CLMN: variants seen among roughly 807,000 people sequenced by gnomAD.
CLMN encodes calmin (calponin-like, transmembrane).
Under a neutral mutation model 92.7 loss-of-function variants are expected in CLMN, and 57 were observed. The observed-to-expected ratio is 0.61, with a 90% CI of 0.50 to 0.77. The LOEUF (loss-of-function observed/expected upper bound fraction) is 0.77. Among genes scored for constraint, CLMN ranks in the 30% least tolerant of loss-of-function variants. The pLI is 0.00. For synonymous variants in CLMN, 466 were observed against 470.6 expected (o/e 0.99, Z 0.13); for missense variants, 1,158 against 1,237.5 (o/e 0.94, Z 0.96).
chr14:95,258,879 G>A (rs1899132884), intron 1 of CLMN, among the ~76,000 whole-genome samples: 1 of 150,514 alleles, frequency 6.6e-6, no homozygotes, highest in African/African-American at 2.4e-5. Context: ...GTATGTATCT[G>A]TGGTGTGTGT....
rs1206720446 is a variant in CLMN, at chr14:95,184,117, T to C, written c.*7447A>G. 1 of 152,196 alleles carries C rather than the reference T, an allele frequency of 6.6e-6. No homozygotes were observed. Among genetic ancestry groups the C allele is most frequent in the African/African-American group, 2.4e-5 (1 of 41,460 alleles). 9.4% of individuals were successfully genotyped at this position (152,196 alleles called of 1,614,324 possible). On this transcript the variant is annotated 3_prime_UTR_variant, in exon 13 of 13. Coordinates refer to ENST00000298912, the MANE Select transcript of CLMN (RefSeq NM_024734.4). ...AGGGGGCTGCTGGGCATCCTACAAC[T>C]TCATAAACTTTCAAGAAAAGTATTT...
In CLMN at chr14:95,194,346, C is replaced by G; in HGVS notation, c.2769+190G>C. ...TTTAAAATCCTCACTTTATTTACAT[C>G]TCTTATTGCCCAAACCGGATATCCG... On this transcript the variant is annotated intron_variant, in intron 11 of 12. Transcript: ENST00000298912. The surrounding 1 kb of genome is among the most constrained non-coding windows in gnomAD (Gnocchi z 4.0). 2.1e-6 allele frequency: 3 copies of G among 1,433,478 alleles called. No individual in the cohort carries two copies. The highest frequency in any genetic ancestry group is 2.7e-6 in the Non-Finnish European group (3 of 1,095,772). The allele number at this position is 1,433,478 out of a possible 1,614,324, so 88.8% of individuals were successfully genotyped here.
At chr14:95,277,609 GTCTTT>G (rs560779636) in intron 1 of CLMN, among the ~76,000 whole-genome samples, 1 of 152,186 alleles carries the variant, frequency 6.6e-6, no homozygotes, top group African/African-American at 2.4e-5. Flanking sequence ...CTAAGCCTTT[GTCTTT>G]TCTTTTCTTT....
At chr14:95,262,514 T>C (rs1899297680) in intron 1 of CLMN, among the ~76,000 whole-genome samples, 1 of 152,200 alleles carries the variant, frequency 6.6e-6, no homozygotes, top group Non-Finnish European at 1.5e-5. Flanking sequence ...AGAGACAGTA[T>C]CGTATCCAAT....
intron 1 of CLMN, among the ~76,000 whole-genome samples, chr14:95,241,308 G>A (rs1335720670): frequency 6.6e-6 from 1 of 152,138 alleles, no homozygotes; most frequent in Admixed American, 6.5e-5. Flanking sequence ...GGCTCAAACT[G>A]GGAAAGTCCT....
chr14:95,267,455 G>A (rs907869760), intron 1 of CLMN, among the ~76,000 whole-genome samples: 4 of 152,188 alleles, frequency 2.6e-5, no homozygotes, highest in African/African-American at 9.7e-5. Context: ...CTAATCATCA[G>A]GGAAACGCAA....
chr14:95,319,249 G>A (rs972285921), intron 1 of CLMN, among the ~76,000 whole-genome samples: 2 of 151,740 alleles, frequency 1.3e-5, no homozygotes, highest in African/African-American at 2.4e-5. Flanking sequence ...CCCCTGAAGC[G>A]CCGCCCACCA....
At chr14:95,214,477 G>C (rs994635963) in intron 5 of CLMN, among the ~76,000 whole-genome samples, 1 of 150,054 alleles carries the variant, frequency 6.7e-6, no homozygotes, top group Admixed American at 6.7e-5. Flanking sequence ...AGCCTTCCAA[G>C]TTGCTGGGAT....
At chr14:95,210,244 G>A (rs1210952194) in intron 7 of CLMN, among the ~76,000 whole-genome samples, 6 of 152,108 alleles carry the variant, frequency 3.9e-5, no homozygotes, top group Admixed American at 3.3e-4. Context: ...TGGAGATGGG[G>A]TTTCACCATG....
chr14:95,197,748 A>G (rs1222714559), intron 9 of CLMN, among the ~76,000 whole-genome samples: 1 of 152,170 alleles, frequency 6.6e-6, no homozygotes, highest in Non-Finnish European at 1.5e-5. Flanking sequence ...TCATTGTTGG[A>G]GCCACGTCTC....
At chr14:95,273,887 T>C (rs572333261) in intron 1 of CLMN, among the ~76,000 whole-genome samples, 2 of 152,252 alleles carry the variant, frequency 1.3e-5, no homozygotes, top group Admixed American at 6.5e-5. Flanking sequence ...ATGAACCTCA[T>C]GAACCTCATT....
intron 1 of CLMN, among the ~76,000 whole-genome samples, chr14:95,245,215 TATATATATA>T (rs1898459061): frequency 5.6e-5 from 2 of 35,416 alleles, no homozygotes; most frequent in Admixed American, 5.0e-4. Flanking sequence ...ATATTATATA[TATATATATA>T]TTATATATAT....
At chr14:95,253,257 C>A (rs976961444) in intron 1 of CLMN, among the ~76,000 whole-genome samples, 4 of 152,198 alleles carry the variant, frequency 2.6e-5, no homozygotes, top group African/African-American at 9.7e-5. Flanking sequence ...CTCATGGATG[C>A]CTCGGTTTAT....
At chr14:95,205,269 T>G (rs1566865685) in intron 8 of CLMN, among the ~76,000 whole-genome samples, 2 of 152,234 alleles carry the variant, frequency 1.3e-5, no homozygotes. Context: ...TATTGTTCTT[T>G]TATATACCAA....
At chr14:95,271,958 T>C (rs1899727190) in intron 1 of CLMN, among the ~76,000 whole-genome samples, 1 of 152,258 alleles carries the variant, frequency 6.6e-6, no homozygotes, top group Admixed American at 6.5e-5. Flanking sequence ...TTGAGACTCA[T>C]CTGTGTTACT....
At chr14:95,292,113 G>A (rs752824143) in intron 1 of CLMN, among the ~76,000 whole-genome samples, 28 of 152,148 alleles carry the variant, frequency 1.8e-4, no homozygotes, top group Admixed American at 1.0e-3. Context: ...CTGAGGCATG[G>A]AGAGAATTCA....
intron 1 of CLMN, among the ~76,000 whole-genome samples, chr14:95,297,085 T>C (rs1286806482): frequency 6.6e-6 from 1 of 152,194 alleles, no homozygotes; most frequent in Non-Finnish European, 1.5e-5. Flanking sequence ...CTCCTATCTG[T>C]GGCTTTCCCT....
intron 1 of CLMN, among the ~76,000 whole-genome samples, chr14:95,299,155 C>A (rs545363553): frequency 2.6e-5 from 4 of 152,150 alleles, no homozygotes; most frequent in African/African-American, 4.8e-5. Context: ...TGAGAGCCAG[C>A]GGGTAGAGAA....
chr14:95,221,560 C>T, intron 4 of CLMN, 131 bp downstream of exon 4: 1 of 748,438 alleles, frequency 1.3e-6, no homozygotes, highest in South Asian at 1.9e-5. Context: ...GAAATTTAAG[C>T]TTAGTTTAAT....
Sources: gnomAD v4.1 joint callset for allele counts (sites outside exome capture counted in the v4.1 genomes callset) on GRCh38, gnomAD v4.1.1 for gene constraint, Gnocchi (gnomAD v3.1) non-coding constraint, MANE v1.5 for transcripts, NCBI Gene and HGNC (gene_info 2026-07-23, HGNC 2026-07-21) for gene names.